The following RFX8 variants were observed in gnomAD, a reference collection of about 807,000 sequenced individuals.
RFX8 encodes the protein regulatory factor X8, also known as DNA-binding protein RFX8.
In RFX8, 46 loss-of-function variants were observed where a neutral mutation model predicts 54.6. The ratio of observed to expected loss-of-function variants is 0.84; its 90% CI spans 0.67 to 1.08. The LOEUF (loss-of-function observed/expected upper bound fraction) is 1.08, where lower values mean the gene tolerates loss of function less well. RFX8 is among the 50% of genes least tolerant of loss of function. The pLI is 0.00. For missense variants in RFX8, 536 were observed against 562.3 expected, an observed-to-expected ratio of 0.95 and a Z score of 0.47; for synonymous variants, 192 against 209.5, an observed-to-expected ratio of 0.92 and a Z score of 0.72.
intron 2 of RFX8, among the ~76,000 whole-genome samples, chr2:101,425,221 A>G (rs1368833427): frequency 2.6e-5 from 4 of 152,108 alleles, no homozygotes; most frequent in African/African-American, 9.7e-5. Flanking sequence ...CCCCAACTAC[A>G]TCCATATTTT....
In RFX8 at chr2:101,402,525, G is replaced by T. The variant is rs1048261731; in HGVS notation, c.1156C>A (p.His386Asn). 6.4e-7 allele frequency: 1 copy of T among 1,551,806 alleles called. No individual in the cohort carries two copies. The highest frequency in any genetic ancestry group is 8.7e-7 in the Non-Finnish European group (1 of 1,147,016). The part of the protein sequence containing the change: ...SMEPLGVMPT[H>N]MGQGRYPVGV... Reference sequence around the variant, plus strand: ...ACGGGATATCGGCCCTGGCCCATGTGTGTGGGCATCACCCCCAGTGGCTCC... The same window carrying T: ...ACGGGATATCGGCCCTGGCCCATGTTTGTGGGCATCACCCCCAGTGGCTCC... Residue 386 changes from histidine (H) to asparagine (N), a missense_variant, in exon 11 of 12, where the codon CAC (histidine) becomes AAC (asparagine). His to Asn is a moderately conservative substitution (Grantham distance 68). Coordinates refer to ENST00000428343, the MANE Select transcript of RFX8 (RefSeq NM_001145664.2).
intron 2 of RFX8, chr2:101,429,015 C>T: frequency 6.5e-7 from 1 of 1,528,628 alleles, no homozygotes; most frequent in South Asian, 1.2e-5. Context: ...GCAATGGCAT[C>T]TCCACTGTGA....
At chr2:101,446,933 C>A (rs1020998092) in intron 2 of RFX8, among the ~76,000 whole-genome samples, 1 of 152,208 alleles carries the variant, frequency 6.6e-6, no homozygotes, top group Non-Finnish European at 1.5e-5. Context: ...ATAAATCTCT[C>A]ATTATAGCTA....
At chr2:101,424,760 G>A (rs1001962972) in intron 2 of RFX8, among the ~76,000 whole-genome samples, 5 of 152,032 alleles carry the variant, frequency 3.3e-5, no homozygotes, top group African/African-American at 4.8e-5. Context: ...GCAAACTATC[G>A]CAAGGACAGA....
intron 2 of RFX8, chr2:101,450,804 T>C (rs960316112): frequency 3.2e-6 from 2 of 618,820 alleles, no homozygotes; most frequent in Non-Finnish European, 5.7e-6. Flanking sequence ...TGGCTGCATT[T>C]CTCTGGAAAA....
chr2:101,467,342 G>A (rs1187821256), intron 1 of RFX8, among the ~76,000 whole-genome samples: 1 of 152,114 alleles, frequency 6.6e-6, no homozygotes, highest in Non-Finnish European at 1.5e-5. Flanking sequence ...GTGACCGCAG[G>A]GGCCAGCCTG....
chr2:101,439,509 AAT>A (rs1259380068), intron 2 of RFX8, among the ~76,000 whole-genome samples: 4 of 151,884 alleles, frequency 2.6e-5, no homozygotes, highest in Non-Finnish European at 5.9e-5. Flanking sequence ...TTATGTTTTA[AAT>A]TTAAGTCTAC....
chr2:101,462,159 C>T (rs745510455), intron 2 of RFX8, among the ~76,000 whole-genome samples: 3 of 152,174 alleles, frequency 2.0e-5, no homozygotes, highest in Non-Finnish European at 4.4e-5. Context: ...GGCGCGGTGG[C>T]TCACACCTGT....
intron 2 of RFX8, among the ~76,000 whole-genome samples, chr2:101,429,687 G>A (rs1291175443): frequency 5.3e-5 from 8 of 152,188 alleles, no homozygotes; most frequent in Non-Finnish European, 1.2e-4. Context: ...TTATGGCTGA[G>A]CCAAGGGCAG....
intron 8 of RFX8, among the ~76,000 whole-genome samples, chr2:101,411,168 G>A: frequency 6.6e-6 from 1 of 152,214 alleles, no homozygotes; most frequent in Non-Finnish European, 1.5e-5. Flanking sequence ...CAGTTAGGTG[G>A]AGCCTGGTGT....
chr2:101,410,332 G>A (rs1479899321), intron 9 of RFX8, among the ~76,000 whole-genome samples: 2 of 150,756 alleles, frequency 1.3e-5, no homozygotes, highest in East Asian at 2.0e-4. Context: ...TGACACACAT[G>A]CTCATCACAG....
At chr2:101,470,709 CTTTTTTTTTTT>C (rs537834632) in intron 1 of RFX8, among the ~76,000 whole-genome samples, 2 of 105,540 alleles carry the variant, frequency 1.9e-5, no homozygotes, top group Non-Finnish European at 3.7e-5. Flanking sequence ...TCTGAGTACT[CTTTTTTTTTTT>C]TTTTTTTTTT....
chr2:101,410,395 A>T (rs948661332), intron 9 of RFX8, among the ~76,000 whole-genome samples: 4 of 109,740 alleles, frequency 3.6e-5, no homozygotes, highest in African/African-American at 6.5e-5. Flanking sequence ...CCACACTCAC[A>T]CACACACACA....
At chr2:101,425,147 C>T (rs772358035) in intron 2 of RFX8, among the ~76,000 whole-genome samples, 6 of 152,114 alleles carry the variant, frequency 3.9e-5, no homozygotes, top group Admixed American at 6.5e-5. Context: ...TGATCATAGG[C>T]GCTCTGTTAG....
At chr2:101,409,972 G>A (rs1013421916) in intron 9 of RFX8, among the ~76,000 whole-genome samples, 1 of 152,132 alleles carries the variant, frequency 6.6e-6, no homozygotes, top group African/African-American at 2.4e-5. Context: ...CACATTGGTC[G>A]AAAGGATCAA....
intron 2 of RFX8, among the ~76,000 whole-genome samples, chr2:101,449,501 G>A (rs1688564236): frequency 6.6e-6 from 1 of 152,178 alleles, no homozygotes. Flanking sequence ...GACCCACGGG[G>A]GTCAGGGGTG....
intron 9 of RFX8, among the ~76,000 whole-genome samples, chr2:101,409,350 G>A (rs1206846890): frequency 1.3e-5 from 2 of 152,058 alleles, no homozygotes; most frequent in Non-Finnish European, 1.5e-5. Context: ...AGCCTCCCGA[G>A]TAGCTGGGAC....
At chr2:101,413,171 A>G (rs1203234858) in intron 7 of RFX8, 100 bp from the exon 8 acceptor site, 12 of 896,808 alleles carry the variant, frequency 1.3e-5, no homozygotes, top group Admixed American at 2.5e-5. Context: ...TGGGGGAGAA[A>G]GAAACATTGA....
chr2:101,471,019 T>C (rs1036561973), intron 1 of RFX8, among the ~76,000 whole-genome samples: 4 of 144,222 alleles, frequency 2.8e-5, no homozygotes, highest in African/African-American at 7.5e-5. Flanking sequence ...GCGCCCGGCC[T>C]CTGAGTACTC....
Sources: gnomAD v4.1 joint callset for allele counts (sites outside exome capture counted in the v4.1 genomes callset) on GRCh38, gnomAD v4.1.1 for gene constraint, MANE v1.5 for transcripts, NCBI Gene and HGNC (gene_info 2026-07-23, HGNC 2026-07-21) for gene names.